Variants in TBC1D8 observed in about 807,000 individuals in gnomAD.
TBC1D8 encodes the protein TBC1 domain family member 8.
TBC1D8 carries 65 observed loss-of-function variants against 118.8 expected under a neutral mutation model. The observed-to-expected ratio is 0.55, with a 90% CI of 0.45 to 0.67. TBC1D8 has a LOEUF of 0.67. Ranked by LOEUF, TBC1D8 falls within the 30% of genes least tolerant of loss-of-function variation. The pLI, the probability that TBC1D8 is intolerant of heterozygous loss-of-function variation, is 0.00. For synonymous variants in TBC1D8, 566 were observed against 595.8 expected, an observed-to-expected ratio of 0.95 and a Z score of 0.73; for missense variants, 1,376 against 1,471.2, an observed-to-expected ratio of 0.94 and a Z score of 1.06.
chr2:101,143,732 T>G (rs1235137820), intron 1 of TBC1D8, among the ~76,000 whole-genome samples: 1 of 152,172 alleles, frequency 6.6e-6, no homozygotes, highest in South Asian at 2.1e-4. Flanking sequence ...GCTAATTTTC[T>G]GTATTTTTTT....
intron 1 of TBC1D8, among the ~76,000 whole-genome samples, chr2:101,122,924 T>C (rs1462951974): frequency 6.8e-6 from 1 of 147,070 alleles, no homozygotes; most frequent in Non-Finnish European, 1.5e-5. Flanking sequence ...TGGTACTTGT[T>C]GGAGAAAAAC....
intron 2 of TBC1D8, among the ~76,000 whole-genome samples, chr2:101,087,547 G>A (rs909226160): frequency 2.6e-5 from 4 of 151,562 alleles, no homozygotes; most frequent in African/African-American, 9.7e-5. Context: ...GGAGGCTGAG[G>A]CAGGAGAATC....
intron 19 of TBC1D8, 51 bp from the exon 20 acceptor site, chr2:101,008,324 A>ATT: frequency 2.3e-5 from 27 of 1,187,642 alleles, no homozygotes; most frequent in Non-Finnish European, 2.4e-5. Flanking sequence ...TGGAAGTGTC[A>ATT]TTTTTTTTTT....
intron 2 of TBC1D8, among the ~76,000 whole-genome samples, chr2:101,087,660 A>AC (rs1675730025): frequency 1.3e-5 from 2 of 151,776 alleles, no homozygotes; most frequent in Non-Finnish European, 2.9e-5. Context: ...AAAAAAAAAA[A>AC]AATTCCAGAT....
intron 17 of TBC1D8, among the ~76,000 whole-genome samples, chr2:101,020,720 C>T (rs535967491): frequency 1.3e-5 from 2 of 152,256 alleles, no homozygotes; most frequent in East Asian, 3.9e-4. Flanking sequence ...AATGTTTGTA[C>T]AGTAGTCCCC....
intron 2 of TBC1D8, among the ~76,000 whole-genome samples, chr2:101,083,019 T>C (rs553209648): frequency 1.3e-5 from 2 of 152,278 alleles, no homozygotes; most frequent in South Asian, 2.1e-4. Context: ...CCGTTGCACG[T>C]TGGTGGTGAG....
intron 1 of TBC1D8, among the ~76,000 whole-genome samples, chr2:101,125,064 T>A (rs1300500010): frequency 6.6e-6 from 1 of 152,222 alleles, no homozygotes; most frequent in Non-Finnish European, 1.5e-5. Flanking sequence ...TTATGCCTGT[T>A]TGAAAAACAA....
intron 6 of TBC1D8, 61 bp downstream of exon 6, chr2:101,040,117 G>A: frequency 2.6e-6 from 4 of 1,566,712 alleles, no homozygotes; most frequent in Non-Finnish European, 3.5e-6. Flanking sequence ...CTCACAGCCA[G>A]CAACCTTGTG....
intron 5 of TBC1D8, among the ~76,000 whole-genome samples, chr2:101,043,325 C>T (rs183173049): frequency 2.6e-5 from 4 of 152,340 alleles, no homozygotes; most frequent in African/African-American, 4.8e-5. Context: ...CCAAGTTCCC[C>T]AAGCTGACTA....
At chr2:101,091,495 G>A (rs566879353) in intron 1 of TBC1D8, among the ~76,000 whole-genome samples, 48 of 152,226 alleles carry the variant, frequency 3.2e-4, no homozygotes, top group African/African-American at 9.9e-4. Flanking sequence ...AGAGTCCAAG[G>A]CAGATGATCG....
At chr2:101,052,951 C>A (rs1342837966) in intron 4 of TBC1D8, among the ~76,000 whole-genome samples, 1 of 152,198 alleles carries the variant, frequency 6.6e-6, no homozygotes, top group Non-Finnish European at 1.5e-5. Context: ...ATATGCTCCA[C>A]CTACACCACC....
In TBC1D8 at chr2:101,137,274, C is replaced by A. The variant is rs1394187163; in HGVS notation, c.127+13853G>T. On this transcript the variant is annotated intron_variant, in intron 1 of 19. Transcript: ENST00000409318. The stretch of plus-strand genomic sequence containing the variant: ...AGTCGAACTCCTGACCTCCAATGAT[C>A]CGCCCACCCCAGCCTCCCAAAGTGC... 2.0e-5 allele frequency among the ~76,000 whole-genome samples: 3 copies of A among 152,006 alleles called. No homozygotes were observed. In the East Asian group the frequency reaches 5.8e-4, roughly 29 times the overall value.
intron 11 of TBC1D8, among the ~76,000 whole-genome samples, chr2:101,032,051 C>T (rs980553724): frequency 6.6e-6 from 1 of 152,178 alleles, no homozygotes; most frequent in African/African-American, 2.4e-5. Context: ...GTCTTTATAG[C>T]AGGAATGTGT....
intron 17 of TBC1D8, among the ~76,000 whole-genome samples, chr2:101,020,749 C>T (rs1165916017): frequency 2.0e-5 from 3 of 152,178 alleles, no homozygotes; most frequent in African/African-American, 7.2e-5. Flanking sequence ...AAGTGTTAAA[C>T]TGCATGCTGC....
At chr2:101,089,738 G>A (rs1675887761) in intron 2 of TBC1D8, among the ~76,000 whole-genome samples, 1 of 152,034 alleles carries the variant, frequency 6.6e-6, no homozygotes, top group Non-Finnish European at 1.5e-5. Context: ...ACAGCCCTCA[G>A]AAACTGCCCA....
chr2:101,077,350 C>T (rs546577720), intron 2 of TBC1D8, among the ~76,000 whole-genome samples: 1 of 151,036 alleles, frequency 6.6e-6, no homozygotes, highest in Non-Finnish European at 1.5e-5. Flanking sequence ...CGGGTTCACG[C>T]CATTCTCCTG....
chr2:101,108,277 C>T (rs571083926), intron 1 of TBC1D8, among the ~76,000 whole-genome samples: 2 of 152,194 alleles, frequency 1.3e-5, no homozygotes, highest in East Asian at 1.9e-4. Flanking sequence ...CTGTGAAGGT[C>T]ATCCAAAACA....
chr2:101,103,620 C>T (rs936700815), intron 1 of TBC1D8, among the ~76,000 whole-genome samples: 4 of 152,030 alleles, frequency 2.6e-5, no homozygotes, highest in Admixed American at 2.0e-4. Context: ...TCTCGATCTC[C>T]TGACCTCATG....
chr2:101,066,815 T>C (rs953791940), intron 2 of TBC1D8, among the ~76,000 whole-genome samples: 3 of 152,080 alleles, frequency 2.0e-5, no homozygotes, highest in South Asian at 2.1e-4. Context: ...TGTGGTGGCA[T>C]GCACCTGTAA....
Sources: allele counts gnomAD v4.1 joint callset (sites outside exome capture counted in the v4.1 genomes callset), GRCh38; gene constraint gnomAD v4.1.1; transcripts MANE v1.5; gene names NCBI Gene and HGNC (gene_info 2026-07-23, HGNC 2026-07-21).